Variants in RGS5 observed in about 807,000 individuals in gnomAD.
RGS5 encodes the protein regulator of G protein signaling 5.
In RGS5, 20 loss-of-function variants were observed where a neutral mutation model predicts 18.9. The ratio of observed to expected loss-of-function variants is 1.06; its 90% confidence interval spans 0.74 to 1.54. RGS5 has a LOEUF of 1.54. Among genes scored for constraint, RGS5 ranks in the 40% most tolerant of loss-of-function variants. The pLI, the probability that RGS5 is intolerant of heterozygous loss-of-function variation, is 0.00. For synonymous variants in RGS5, 57 were observed against 76.2 expected (o/e 0.75, Z 1.31); for missense variants, 201 against 211.8 (o/e 0.95, Z 0.32).
intron 2 of RGS5, among the ~76,000 whole-genome samples, chr1:163,286,397 A>T (rs951146): frequency 0.52 from 78,851 of 151,888 alleles, 20,844 homozygotes; most frequent in African/African-American, 0.59. Context: ...CACATATATG[A>T]ATAGATCATG....
intron 2 of RGS5, among the ~76,000 whole-genome samples, chr1:163,285,762 T>C (rs1649126541): frequency 6.6e-6 from 1 of 151,850 alleles, no homozygotes; most frequent in African/African-American, 2.4e-5. Context: ...TGAAAGTTTG[T>C]AGCACCTTCC....
chr1:163,166,729 C>T (rs1432033863), intron 2 of RGS5, among the ~76,000 whole-genome samples: 1 of 152,158 alleles, frequency 6.6e-6, no homozygotes, highest in Non-Finnish European at 1.5e-5. Flanking sequence ...AGTAAATAAT[C>T]CAATAAATGG....
At chr1:163,294,870 C>T (rs1649385614) in intron 2 of RGS5, among the ~76,000 whole-genome samples, 1 of 152,134 alleles carries the variant, frequency 6.6e-6, no homozygotes, top group African/African-American at 2.4e-5. Flanking sequence ...TCCAGATACC[C>T]TAAATCATCT....
chr1:163,280,732 T>G (rs1648971427), intron 2 of RGS5, among the ~76,000 whole-genome samples: 1 of 152,092 alleles, frequency 6.6e-6, no homozygotes, highest in East Asian at 1.9e-4. Flanking sequence ...CAAAGTAATC[T>G]ACACATTCAA....
intron 4 of RGS5, among the ~76,000 whole-genome samples, chr1:163,149,115 A>G (rs1325687186): frequency 6.6e-6 from 1 of 152,204 alleles, no homozygotes; most frequent in Admixed American, 6.5e-5. Context: ...CAGAGGTGAA[A>G]GGGGTCAATG....
intron 1 of RGS5, among the ~76,000 whole-genome samples, chr1:163,200,077 C>G (rs1302607230): frequency 6.6e-6 from 1 of 152,016 alleles, no homozygotes; most frequent in Non-Finnish European, 1.5e-5. Context: ...GGTTAGAACT[C>G]GAAAACATGT....
intron 2 of RGS5, among the ~76,000 whole-genome samples, chr1:163,224,225 G>A (rs1004659422): frequency 2.7e-5 from 4 of 147,072 alleles, no homozygotes; most frequent in Non-Finnish European, 4.5e-5. Context: ...CCCCTCCCCA[G>A]CCTCCAGTAA....
At chr1:163,166,751 G>A (rs544952782) in intron 2 of RGS5, among the ~76,000 whole-genome samples, 2 of 152,286 alleles carry the variant, frequency 1.3e-5, no homozygotes, top group South Asian at 4.1e-4. Flanking sequence ...CAGCCCCAGG[G>A]TTTCTTCCAG....
At chr1:163,195,747 T>C (rs1320251492) in intron 1 of RGS5, among the ~76,000 whole-genome samples, 1 of 151,992 alleles carries the variant, frequency 6.6e-6, no homozygotes, top group Non-Finnish European at 1.5e-5. Flanking sequence ...TAGCACATAA[T>C]TGACTGACTT....
chr1:163,175,451 T>C (rs1658505649), intron 1 of RGS5, among the ~76,000 whole-genome samples: 1 of 152,148 alleles, frequency 6.6e-6, no homozygotes, highest in Non-Finnish European at 1.5e-5. Flanking sequence ...TGGATGATCT[T>C]GAAAACCCTT....
chr1:163,201,827 G>A (rs1490928657), intron 1 of RGS5, among the ~76,000 whole-genome samples: 1 of 152,016 alleles, frequency 6.6e-6, no homozygotes, highest in Non-Finnish European at 1.5e-5. Context: ...ATGCCTTTAG[G>A]GCTGAACATC....
chr1:163,278,015 A>C (rs1648900096), intron 2 of RGS5, among the ~76,000 whole-genome samples: 1 of 151,926 alleles, frequency 6.6e-6, no homozygotes, highest in Non-Finnish European at 1.5e-5. Context: ...ACATTCTGAA[A>C]TTTTAAACAT....
chr1:163,290,542 G>C (rs1649255957), intron 2 of RGS5, among the ~76,000 whole-genome samples: 1 of 151,826 alleles, frequency 6.6e-6, no homozygotes. Flanking sequence ...GTTGCCAGCA[G>C]GGGTTTATTT....
intron 1 of RGS5, among the ~76,000 whole-genome samples, chr1:163,188,726 G>A (rs1002624694): frequency 3.9e-5 from 6 of 152,066 alleles, no homozygotes; most frequent in African/African-American, 9.7e-5. Context: ...TTGGGAGGCC[G>A]AGCCAGGCAG....
intron 1 of RGS5, among the ~76,000 whole-genome samples, chr1:163,202,034 T>C (rs1417554833): frequency 6.6e-6 from 1 of 152,196 alleles, no homozygotes; most frequent in Non-Finnish European, 1.5e-5. Context: ...CAGAATATTG[T>C]CCAGCCTACG....
chr1:163,187,614 A>G (rs923966598), intron 1 of RGS5, among the ~76,000 whole-genome samples: 6 of 152,112 alleles, frequency 3.9e-5, no homozygotes, highest in Non-Finnish European at 8.8e-5. Context: ...GGGTTCAGGG[A>G]GCTTCCGGAT....
chr1:163,271,701 A>G (rs1648724106), intron 2 of RGS5, among the ~76,000 whole-genome samples: 1 of 152,294 alleles, frequency 6.6e-6, no homozygotes, highest in African/African-American at 2.4e-5. Flanking sequence ...GTTGATGGAC[A>G]TTTGGATTGT....
At chr1:163,201,473 A>G (rs1373283918) in intron 1 of RGS5, among the ~76,000 whole-genome samples, 1 of 152,104 alleles carries the variant, frequency 6.6e-6, no homozygotes, top group African/African-American at 2.4e-5. Flanking sequence ...AGTTTCTTTT[A>G]TGTAAATTTA....
intron 2 of RGS5, among the ~76,000 whole-genome samples, chr1:163,241,244 TTG>T (rs1436796251): frequency 2.2e-4 from 33 of 152,354 alleles, no homozygotes; most frequent in East Asian, 7.7e-4. Context: ...TGGCAGATTG[TTG>T]TTGTTGTTGT....
Sources: gnomAD v4.1 joint callset for allele counts (sites outside exome capture counted in the v4.1 genomes callset) on GRCh38, gnomAD v4.1.1 for gene constraint, MANE v1.5 for transcripts, NCBI Gene and HGNC (gene_info 2026-07-23, HGNC 2026-07-21) for gene names.